CDH4: variants seen among roughly 807,000 people sequenced by gnomAD.
CDH4 encodes the protein cadherin 4, also known as cadherin-4.
Under a neutral mutation model 86.0 loss-of-function variants are expected in CDH4, and 33 were observed. That is an observed-to-expected ratio of 0.38 (90% CI 0.29 to 0.51). The LOEUF (loss-of-function observed/expected upper bound fraction) is 0.51. Among genes scored for constraint, CDH4 ranks in the 20% least tolerant of loss-of-function variants. CDH4 has a pLI of 0.86. For synonymous variants in CDH4, 555 were observed against 549.4 expected (o/e 1.01, Z -0.14); for missense variants, 1,114 against 1,307.4 (o/e 0.85, Z 2.28).
At chr20:61,618,507 T>A (rs1454917391) in intron 2 of CDH4, among the ~76,000 whole-genome samples, 1 of 152,188 alleles carries the variant, frequency 6.6e-6, no homozygotes, top group Non-Finnish European at 1.5e-5. Context: ...GAGCGGGCCC[T>A]TCCACCTTGG....
chr20:61,581,919 A>T (rs2086432128), intron 2 of CDH4, among the ~76,000 whole-genome samples: 1 of 152,082 alleles, frequency 6.6e-6, no homozygotes, highest in African/African-American at 2.4e-5. Flanking sequence ...GGTAGACCTG[A>T]GCCACAGGCA....
chr20:61,679,132 G>A lies in CDH4; in HGVS notation c.170-64431G>A, dbSNP rs566102297. ...GTGACAAGGGTCAGAAATGCTACCAGGTTGGGTGGGTCAGTGGCTGCGTGG... is the reference window on the plus strand; with the variant it reads ...GTGACAAGGGTCAGAAATGCTACCAAGTTGGGTGGGTCAGTGGCTGCGTGG... On this transcript the variant is annotated intron_variant, in intron 2 of 15. Coordinates refer to ENST00000614565, the MANE Select transcript of CDH4 (RefSeq NM_001794.5). Among the ~76,000 whole-genome samples, 4 of 152,312 alleles carry A rather than the reference G, an allele frequency of 2.6e-5. No homozygotes were observed. In the East Asian group the frequency reaches 7.7e-4, roughly 29 times the overall value.
At chr20:61,570,731 G>T in intron 2 of CDH4, 1 of 702,368 alleles carries the variant, frequency 1.4e-6, no homozygotes, top group South Asian at 1.5e-5. Context: ...CGGAGGCAGG[G>T]AAAATGCAGG....
At position 61,833,716 on chromosome 20, in the gene CDH4, A is replaced by AGCCCCCATGGTGACTGAGCACAGCACTCG. The variant is rs369630550; in HGVS notation, c.577-10948_577-10920dup. On this transcript the variant is annotated intron_variant, in intron 4 of 15. Coordinates refer to ENST00000614565, the MANE Select transcript of CDH4 (RefSeq NM_001794.5). The stretch of plus-strand genomic sequence containing the variant: ...TTATAACTGACTGAGCACAGTACTC[A>AGCCCCCATGGTGACTGAGCACAGCACTCG]GCCCCCATGGTGACTGAGCACAGCA... Among the ~76,000 whole-genome samples, 192 of 152,276 alleles carry AGCCCCCATGGTGACTGAGCACAGCACTCG rather than the reference A, an allele frequency of 1.3e-3. 1 individual carries two copies. The highest frequency in any genetic ancestry group is 4.2e-3 in the African/African-American group (176 of 41,560).
intron 2 of CDH4, among the ~76,000 whole-genome samples, chr20:61,565,095 GTGGTGCTCTTGGTGGTGC>G (rs1281537676): frequency 0.016 from 2,106 of 127,800 alleles, 67 homozygotes; most frequent in Non-Finnish European, 0.027. Flanking sequence ...GGTGCTCTTG[GTGGTGCTCTTGGTGGTGC>G]TGGTGCTCTT....
At chr20:61,750,979 G>A (rs2088486280) in intron 3 of CDH4, among the ~76,000 whole-genome samples, 1 of 152,186 alleles carries the variant, frequency 6.6e-6, no homozygotes, top group Admixed American at 6.5e-5. Context: ...AAAATGGAGG[G>A]ATATGCTGAG....
chr20:61,293,541 A>G (rs1366392573), intron 2 of CDH4, among the ~76,000 whole-genome samples: 1 of 152,164 alleles, frequency 6.6e-6, no homozygotes, highest in East Asian at 1.9e-4. Flanking sequence ...AACAGTGCCA[A>G]GAAAGTCAAG....
Position 61,480,277 on chromosome 20 carries a change from A to T in CDH4, c.169+225340A>T, listed in dbSNP as rs555515993. ...GGTAGCCTGGAAACTCCCCAAGCGGAAGCCGGGGCAGCTGTGGCGCCCCCT... is the reference window on the plus strand; with the variant it reads ...GGTAGCCTGGAAACTCCCCAAGCGGTAGCCGGGGCAGCTGTGGCGCCCCCT... On this transcript the variant is annotated intron_variant, in intron 2 of 15. Transcript: ENST00000614565. The surrounding 1 kb of genome is among the most constrained non-coding windows in gnomAD (Gnocchi z 5.2). Among the ~76,000 whole-genome samples the T allele has an allele frequency of 1.3e-5, 2 of 152,204 alleles. No homozygotes were observed. Among genetic ancestry groups the T allele is most frequent in the South Asian group, 2.1e-4 (1 of 4,814 alleles).
chr20:61,719,511 G>A, intron 2 of CDH4: 1 of 209,980 alleles, frequency 4.8e-6, no homozygotes, highest in South Asian at 8.2e-5. Context: ...CCAACCCAAA[G>A]AGAGATAATT....
At chr20:61,535,087 C>T (rs1016895793) in intron 2 of CDH4, among the ~76,000 whole-genome samples, 1 of 152,256 alleles carries the variant, frequency 6.6e-6, no homozygotes, top group African/African-American at 2.4e-5. Flanking sequence ...CCAACCATTC[C>T]CTCCAAGGGG....
intron 2 of CDH4, among the ~76,000 whole-genome samples, chr20:61,391,319 G>A (rs918510812): frequency 6.6e-6 from 1 of 152,168 alleles, no homozygotes; most frequent in Non-Finnish European, 1.5e-5. Flanking sequence ...GCTGGGTCCG[G>A]ACTTGCTAAA....
At chr20:61,427,571 A>G (rs368560019) in intron 2 of CDH4, among the ~76,000 whole-genome samples, 4 of 150,152 alleles carry the variant, frequency 2.7e-5, no homozygotes, top group Non-Finnish European at 5.9e-5. Context: ...TGCACTGTCT[A>G]CCTCCTGACA....
intron 4 of CDH4, among the ~76,000 whole-genome samples, chr20:61,785,654 A>G: frequency 6.6e-6 from 1 of 151,714 alleles, no homozygotes; most frequent in Admixed American, 6.6e-5. Context: ...CCAGGTGTGT[A>G]GAGCCCCCAC....
At chr20:61,474,553 G>A (rs771748470) in intron 2 of CDH4, among the ~76,000 whole-genome samples, 25 of 152,000 alleles carry the variant, frequency 1.6e-4, no homozygotes, top group Non-Finnish European at 3.4e-4. Flanking sequence ...ATTGATTCAT[G>A]TGGGCTTGAA....
At chr20:61,726,009 C>T (rs976472702) in intron 2 of CDH4, among the ~76,000 whole-genome samples, 3 of 152,198 alleles carry the variant, frequency 2.0e-5, no homozygotes, top group African/African-American at 7.2e-5. Flanking sequence ...ATCTTTCTCA[C>T]CACGTCACAT....
At chr20:61,262,324 G>A (rs2084132307) in intron 2 of CDH4, among the ~76,000 whole-genome samples, 1 of 152,190 alleles carries the variant, frequency 6.6e-6, no homozygotes, top group Non-Finnish European at 1.5e-5. Flanking sequence ...TCTAAGCTGA[G>A]AGAGAGCAAG....
intron 2 of CDH4, among the ~76,000 whole-genome samples, chr20:61,705,143 A>G (rs1440035672): frequency 9.2e-5 from 14 of 152,226 alleles, no homozygotes; most frequent in Admixed American, 9.2e-4. Flanking sequence ...TAGACCTAGC[A>G]GACTTCCTGC....
intron 2 of CDH4, among the ~76,000 whole-genome samples, chr20:61,677,320 C>G (rs992881461): frequency 6.6e-6 from 1 of 152,180 alleles, no homozygotes; most frequent in African/African-American, 2.4e-5. Context: ...AATGCACGAG[C>G]AGCGCCATTT....
In CDH4 at chr20:61,518,331, T is replaced by G. The variant is rs1044091552; in HGVS notation, c.170-225232T>G. 6.6e-6 allele frequency among the ~76,000 whole-genome samples: 1 copy of G among 152,172 alleles called. No individual in the cohort carries two copies. The highest frequency in any genetic ancestry group is 1.5e-5 in the Non-Finnish European group (1 of 68,036). On this transcript the variant is annotated intron_variant, in intron 2 of 15. Transcript: ENST00000614565. This position sits in a 1 kb window ranked among gnomAD's most constrained non-coding sequence, Gnocchi z 6.3. ...TGGGCTCTTAACCACCTCTTCCCTA[T>G]GCTAAGTCTGTTCCACCTAAAGGAA...
Sources: allele counts gnomAD v4.1 joint callset (sites outside exome capture counted in the v4.1 genomes callset), GRCh38; gene constraint gnomAD v4.1.1; non-coding constraint Gnocchi (gnomAD v3.1); transcripts MANE v1.5; gene names NCBI Gene and HGNC (gene_info 2026-07-23, HGNC 2026-07-21).